ZFHX4: variants seen among roughly 807,000 people sequenced by gnomAD.
ZFHX4 encodes zinc finger homeobox protein 4.
In ZFHX4, 56 loss-of-function variants were observed where a neutral mutation model predicts 267.6. The ratio of observed to expected loss-of-function variants is 0.21; its 90% CI spans 0.17 to 0.26. The LOEUF is 0.26. Among genes scored for constraint, ZFHX4 ranks in the 10% least tolerant of loss-of-function variants. The pLI, the probability that ZFHX4 is intolerant of heterozygous loss-of-function variation, is 1.00. For synonymous variants in ZFHX4, 1,778 were observed against 1,665.6 expected (o/e 1.07, Z -1.64); for missense variants, 4,332 against 4,420.0 (o/e 0.98, Z 0.56).
rs1356545038 is a variant in ZFHX4, at chr8:76,852,174, G to C, written c.5253G>C (p.Gly1751=). The change falls in exon 10 of 11, where the codon GGG becomes GGC. Residue 1751 remains glycine (G), a synonymous_variant. Coordinates refer to ENST00000651372, the MANE Select transcript of ZFHX4 (RefSeq NM_024721.5). Reference sequence around the variant, plus strand: ...TACCTGGGACGGAGTTCAGCTTGGGGCCAGATTTGGGCTTGCCAGGCTCTG... The same window carrying C: ...TACCTGGGACGGAGTTCAGCTTGGGCCCAGATTTGGGCTTGCCAGGCTCTG... ...FYIPGTEFSL[G]PDLGLPGSAT... 2 of 1,613,786 alleles carry C rather than the reference G, an allele frequency of 1.2e-6. No individual in the cohort carries two copies. The highest frequency in any genetic ancestry group is 1.7e-6 in the Non-Finnish European group (2 of 1,179,880).
intron 3 of ZFHX4, among the ~76,000 whole-genome samples, chr8:76,740,161 A>G (rs979285251): frequency 2.6e-5 from 4 of 152,064 alleles, no homozygotes; most frequent in African/African-American, 9.7e-5. Context: ...TGGTCAGGAG[A>G]GTCTTGTGTA....
intron 5 of ZFHX4, among the ~76,000 whole-genome samples, chr8:76,839,724 T>C (rs904158561): frequency 2.0e-5 from 3 of 152,192 alleles, no homozygotes; most frequent in African/African-American, 7.2e-5. Context: ...TTTTATGTAG[T>C]ATATTTTCCT....
chr8:76,697,861 T>G (rs79110012), intron 1 of ZFHX4, among the ~76,000 whole-genome samples: 4,084 of 152,110 alleles, frequency 0.027, 204 homozygotes, highest in East Asian at 0.24. Context: ...CTACTTTGCA[T>G]AGATGAGCCA....
At chr8:76,716,183 TAG>T (rs1808566331) in intron 3 of ZFHX4, among the ~76,000 whole-genome samples, 2 of 152,136 alleles carry the variant, frequency 1.3e-5, no homozygotes, top group Admixed American at 6.6e-5. Context: ...CATTTATCGA[TAG>T]AGTTGGCAAT....
Position 76,866,283 on chromosome 8 carries a change from A to G in ZFHX4, c.*1718A>G, listed in dbSNP as rs1411871427. 1 of 152,654 alleles carries G rather than the reference A, an allele frequency of 6.6e-6. No homozygotes were observed. The highest frequency in any genetic ancestry group is 2.4e-5 in the African/African-American group (1 of 41,464). 9.5% of individuals were successfully genotyped at this position (152,654 alleles called of 1,614,324 possible). On this transcript the variant is annotated 3_prime_UTR_variant, in exon 11 of 11. Transcript: ENST00000651372. The stretch of plus-strand genomic sequence containing the variant: ...TTCTCTTCCGAGATGAACAAGTAGC[A>G]TGTAATGCAACTGTTTGACAGTTTA...
intron 4 of ZFHX4, among the ~76,000 whole-genome samples, chr8:76,794,660 TCTC>T (rs1810924827): frequency 6.6e-6 from 1 of 152,178 alleles, no homozygotes; most frequent in African/African-American, 2.4e-5. Flanking sequence ...GCCTCAACAT[TCTC>T]CTTTCACTTT....
At chr8:76,838,930 C>A (rs1347946624) in intron 5 of ZFHX4, among the ~76,000 whole-genome samples, 1 of 151,964 alleles carries the variant, frequency 6.6e-6, no homozygotes, top group Non-Finnish European at 1.5e-5. Flanking sequence ...TGGTGCATGC[C>A]TGTGGTCCCA....
At chr8:76,722,513 C>T (rs1172105258) in intron 3 of ZFHX4, among the ~76,000 whole-genome samples, 2 of 151,860 alleles carry the variant, frequency 1.3e-5, no homozygotes, top group Non-Finnish European at 2.9e-5. Flanking sequence ...ACACAAATAC[C>T]TGCCTATATC....
intron 4 of ZFHX4, among the ~76,000 whole-genome samples, chr8:76,785,845 A>G (rs1265100753): frequency 1.3e-5 from 2 of 152,146 alleles, no homozygotes. Flanking sequence ...TTTGGCTTGA[A>G]TGTTCTCTAC....
chr8:76,813,161 T>C (rs960863292), intron 4 of ZFHX4, among the ~76,000 whole-genome samples: 1 of 152,110 alleles, frequency 6.6e-6, no homozygotes, highest in Non-Finnish European at 1.5e-5. Context: ...AATCTTGACT[T>C]TGGGATTTAT....
At position 76,707,909 on chromosome 8, in the gene ZFHX4, A is replaced by C. The variant is rs1398140814; in HGVS notation, c.2954A>C (p.Glu985Ala). 6.2e-7 allele frequency: 1 copy of C among 1,613,960 alleles called. No homozygotes were observed. The highest frequency in any genetic ancestry group is 8.5e-7 in the Non-Finnish European group (1 of 1,179,946). The change falls in exon 3 of 11, where the codon GAG (glutamate) becomes GCG (alanine). Residue 985 changes from glutamate to alanine, a missense_variant. By Grantham distance (107) the Glu-to-Ala change is moderately radical. Around this residue, in one of 7 missense-constraint regions of ZFHX4, gnomAD observed 1,371 missense variants for 1,423.1 expected, o/e 0.96. Transcript: ENST00000651372. ...ATTAAAGAAGGGGGCAAAAGCAATGAGTGGAGGTTGAAGTGTATTGCCATT... is the reference window on the plus strand; with the variant it reads ...ATTAAAGAAGGGGGCAAAAGCAATGCGTGGAGGTTGAAGTGTATTGCCATT... ...AHIKEGGKSN[E>A]WRLKCIAIGN...
Position 76,863,023 on chromosome 8 carries a change from G to A in ZFHX4, c.9380-71G>A. The A allele has an allele frequency of 2.8e-6, 4 of 1,444,314 alleles. No homozygotes were observed. The South Asian group carries it at 4.5e-5, about 16-fold the overall frequency. The allele number at this position is 1,444,314 out of a possible 1,614,324, so 89.5% of individuals were successfully genotyped here. ...AATGTCCTTAGTGAGTTCTATTTAG[G>A]TGTTAAGCATACAGCCTTCCGATGT... On this transcript the variant is annotated intron_variant, in intron 10 of 10. Coordinates refer to ENST00000651372, the MANE Select transcript of ZFHX4 (RefSeq NM_024721.5).
At position 76,855,941 on chromosome 8, in the gene ZFHX4, C is replaced by G. The variant is rs764896762; in HGVS notation, c.9020C>G (p.Pro3007Arg). 1.9e-5 allele frequency: 31 copies of G among 1,613,896 alleles called. No individual in the cohort carries two copies. In the South Asian group the frequency reaches 3.3e-4, roughly 17 times the overall value. Residue 3007 changes from proline (P) to arginine (R), a missense_variant, in exon 10 of 11, where the codon CCA becomes CGA. Coordinates refer to ENST00000651372, the MANE Select transcript of ZFHX4 (RefSeq NM_024721.5). ...CAAGGCGGAACGGAAGGCACCAAAC[C>G]AGAGTGTACCCTCTGCGGGGTGAAG... is the stretch of plus-strand genomic sequence containing the variant. Reference protein sequence around the residue: ...INQGGTEGTKPECTLCGVKYS... With the variant: ...INQGGTEGTKRECTLCGVKYS...
At chr8:76,858,763 C>CA (rs1812795362) in intron 10 of ZFHX4, among the ~76,000 whole-genome samples, 1 of 152,136 alleles carries the variant, frequency 6.6e-6, no homozygotes, top group South Asian at 2.1e-4. Context: ...CCAGTTAAGG[C>CA]AAAATCAAAA....
intron 4 of ZFHX4, among the ~76,000 whole-genome samples, chr8:76,831,144 A>G (rs1811922690): frequency 1.3e-5 from 2 of 152,228 alleles, no homozygotes; most frequent in African/African-American, 2.4e-5. Context: ...GATGGTTTCT[A>G]TACAAATAGC....
intron 10 of ZFHX4, among the ~76,000 whole-genome samples, chr8:76,860,371 A>C (rs1181809391): frequency 6.6e-6 from 1 of 152,058 alleles, no homozygotes; most frequent in Non-Finnish European, 1.5e-5. Flanking sequence ...GTCTTCTAAA[A>C]ATCTTTATTA....
Position 76,846,936 on chromosome 8 carries a change from T to A in ZFHX4, c.3512-2059T>A, listed in dbSNP as rs16939376. Among the ~76,000 whole-genome samples, 602 of 152,264 alleles carry A rather than the reference T, an allele frequency of 4.0e-3. 5 individuals are homozygous for A. The highest frequency in any genetic ancestry group is 0.014 in the African/African-American group (574 of 41,576). On this transcript the variant is annotated intron_variant, in intron 6 of 10. Coordinates refer to ENST00000651372, the MANE Select transcript of ZFHX4 (RefSeq NM_024721.5). The stretch of plus-strand genomic sequence containing the variant: ...TGGCACAGGGACCTGGATCGACTTA[T>A]TGGTCCTGTCCAATTCCATCATGTA...
chr8:76,712,450 C>A lies in ZFHX4; in HGVS notation c.3093+4402C>A, dbSNP rs190024771. Among the ~76,000 whole-genome samples, 2 of 151,716 alleles carry A rather than the reference C, an allele frequency of 1.3e-5. 1 individual carries two copies. The highest frequency in any genetic ancestry group is 1.3e-4 in the Admixed American group (2 of 15,222). ...CCGATCAGTTTGGAATTAACAGTCA[C>A]AGGTATTTTCATTTCAATAGGCCTG... On this transcript the variant is annotated intron_variant, in intron 3 of 10. Transcript: ENST00000651372.
At chr8:76,700,776 T>C (rs1249970409) in intron 1 of ZFHX4, among the ~76,000 whole-genome samples, 1 of 152,186 alleles carries the variant, frequency 6.6e-6, no homozygotes, top group Admixed American at 6.5e-5. Flanking sequence ...GAATTTAGCA[T>C]TAAAACTATG....
Sources: allele counts gnomAD v4.1 joint callset (sites outside exome capture counted in the v4.1 genomes callset), GRCh38; gene constraint gnomAD v4.1.1; regional missense constraint gnomAD v4.1.1; transcripts MANE v1.5; gene names NCBI Gene and HGNC (gene_info 2026-07-23, HGNC 2026-07-21).